The following HYDIN variants were observed in gnomAD, a reference collection of about 807,000 sequenced individuals.
HYDIN encodes the protein HYDIN axonemal central pair apparatus protein.
In HYDIN, 132 loss-of-function variants were observed where a neutral mutation model predicts 403.9. The ratio of observed to expected loss-of-function variants is 0.33; its 90% CI spans 0.28 to 0.38. HYDIN has a LOEUF of 0.38. HYDIN is among the 10% of genes least tolerant of loss of function. The probability of loss-of-function intolerance (pLI) is 1.00; values close to 1 mark genes in which losing one functional copy is unlikely to be tolerated. For missense variants in HYDIN, 2,827 were observed against 5,009.5 expected (o/e 0.56, Z 13.15); for synonymous variants, 1,202 against 1,891.7 (o/e 0.64, Z 9.46).
chr16:70,923,647 C>CAAAAAAA (rs57860871), intron 45 of HYDIN, among the ~76,000 whole-genome samples: 1 of 69,310 alleles, frequency 1.4e-5, no homozygotes, highest in African/African-American at 6.3e-5. Flanking sequence ...CTAAAAAATA[C>CAAAAAAA]AAAAAAAAAA....
At position 71,088,319 on chromosome 16, in the gene HYDIN, G is replaced by A. The variant is rs377316306; in HGVS notation, c.1652C>T (p.Pro551Leu). 11 of 544,746 alleles carry A rather than the reference G, an allele frequency of 2.0e-5. No individual in the cohort carries two copies. In the African/African-American group the frequency reaches 2.5e-4, roughly 12 times the overall value. The allele number at this position is 544,746 out of a possible 1,614,324, so 33.7% of individuals were successfully genotyped here. A position where few individuals can be genotyped will look rare whatever the true frequency, so the allele number is the denominator to read the frequency against. Reference sequence around the variant, plus strand: ...ACCTTACCTAATGGTCAGTTTCACAGGCTCAGGTGACCCATTGACATTGAC... The same window carrying A: ...ACCTTACCTAATGGTCAGTTTCACAAGCTCAGGTGACCCATTGACATTGAC... ...FLVNVNGSPEPVKLTIRGCVI... is the reference protein window; with the variant it reads ...FLVNVNGSPELVKLTIRGCVI... Residue 551 changes from proline to leucine, a missense_variant, in exon 12 of 86, where the codon CCT (proline) becomes CTT (leucine). Pro to Leu is a moderately conservative substitution (Grantham distance 98). Transcript: ENST00000393567.
intron 23 of HYDIN, among the ~76,000 whole-genome samples, chr16:71,016,318 T>C (rs1483409540): frequency 1.3e-5 from 2 of 151,190 alleles, no homozygotes; most frequent in East Asian, 2.0e-4. Context: ...AGGACTTAAA[T>C]AGACATTTCT....
At chr16:71,207,963 C>G (rs1310043911) in intron 1 of HYDIN, among the ~76,000 whole-genome samples, 2 of 152,032 alleles carry the variant, frequency 1.3e-5, no homozygotes, top group East Asian at 3.9e-4. Context: ...GTTTCACAAA[C>G]AATAATAGTT....
At chr16:71,061,785 C>A (rs752542844) in intron 17 of HYDIN, among the ~76,000 whole-genome samples, 13 of 150,770 alleles carry the variant, frequency 8.6e-5, no homozygotes, top group Non-Finnish European at 1.5e-4. Context: ...GTGCTGGCTC[C>A]CGTACAGATG....
At chr16:70,851,203 CAAAAA>C (rs4028101) in intron 73 of HYDIN, among the ~76,000 whole-genome samples, 35 of 22,172 alleles carry the variant, frequency 1.6e-3, no homozygotes, top group Middle Eastern at 0.024. Context: ...ATCAATCCTG[CAAAAA>C]AAAAAAAAAA....
At chr16:71,202,299 T>C (rs899545836) in intron 1 of HYDIN, among the ~76,000 whole-genome samples, 9 of 152,248 alleles carry the variant, frequency 5.9e-5, no homozygotes, top group African/African-American at 2.2e-4. Flanking sequence ...ATTCATATTA[T>C]TTTCATTGCA....
In HYDIN at chr16:71,021,919, C is replaced by G. The variant is rs533014888; in HGVS notation, c.3187-1602G>C. Among the ~76,000 whole-genome samples the G allele has an allele frequency of 2.5e-3, 377 of 152,234 alleles. 1 individual carries two copies. Among genetic ancestry groups the G allele is most frequent in the Non-Finnish European group, 4.2e-3 (283 of 68,020 alleles). ...GTGACCAGTGTCCCTTGGCTCGAGC[C>G]TCATGCCTTGGTTGTACTCTATGAG... On this transcript the variant is annotated intron_variant, in intron 21 of 85. Coordinates refer to ENST00000393567, the MANE Select transcript of HYDIN (RefSeq NM_001270974.2).
At chr16:71,209,346 C>A (rs2088466330) in intron 1 of HYDIN, among the ~76,000 whole-genome samples, 2 of 151,652 alleles carry the variant, frequency 1.3e-5, no homozygotes, top group South Asian at 4.2e-4. Context: ...ATTCAACATC[C>A]CTTCATGTTG....
chr16:71,064,867 T>G, intron 15 of HYDIN, 27 bp from the exon 16 acceptor site: 1 of 1,602,900 alleles, frequency 6.2e-7, no homozygotes, highest in South Asian at 1.1e-5. Flanking sequence ...ATCACACAAT[T>G]CAAAACAGAG....
intron 73 of HYDIN, among the ~76,000 whole-genome samples, chr16:70,853,067 G>A (rs1021623873): frequency 1.3e-5 from 2 of 151,648 alleles, no homozygotes; most frequent in Non-Finnish European, 2.9e-5. Flanking sequence ...TGTAGCCTTA[G>A]CTACTCGGGA....
chr16:71,195,899 G>C (rs1027678597), intron 1 of HYDIN, among the ~76,000 whole-genome samples: 16 of 152,154 alleles, frequency 1.1e-4, no homozygotes, highest in Non-Finnish European at 1.9e-4. Context: ...GAAAGTATCA[G>C]GTACTGGAAA....
chr16:71,057,030 G>C (rs2144255849), intron 18 of HYDIN, among the ~76,000 whole-genome samples: 1 of 111,000 alleles, frequency 9.0e-6, no homozygotes, highest in African/African-American at 3.4e-5. Context: ...GTTTTTTTTT[G>C]AGATGGAGTT....
chr16:70,826,409 T>C (rs1408170830), intron 83 of HYDIN, among the ~76,000 whole-genome samples: 2 of 152,094 alleles, frequency 1.3e-5, no homozygotes, highest in South Asian at 4.1e-4. Flanking sequence ...TTTTTCACAA[T>C]AGCTTATCCT....
intron 43 of HYDIN, 172 bp downstream of exon 43, chr16:70,941,464 G>A (rs1042966557): frequency 7.0e-6 from 3 of 430,238 alleles, no homozygotes; most frequent in African/African-American, 6.2e-5. Context: ...TGCACCTGCT[G>A]TCAGCAAAGC....
chr16:71,152,606 T>A (rs2085581742), intron 7 of HYDIN, 53 bp downstream of exon 7: 1 of 642,254 alleles, frequency 1.6e-6, no homozygotes, highest in East Asian at 2.8e-5. Context: ...GTGAGAACAT[T>A]CTCATCTGAC....
intron 1 of HYDIN, among the ~76,000 whole-genome samples, chr16:71,210,161 A>G (rs2088508272): frequency 6.6e-6 from 1 of 152,222 alleles, no homozygotes; most frequent in Admixed American, 6.5e-5. Context: ...ACTACTGAGT[A>G]TGGTCCCAAA....
At chr16:71,206,956 G>A (rs1465027020) in intron 1 of HYDIN, among the ~76,000 whole-genome samples, 1 of 152,174 alleles carries the variant, frequency 6.6e-6, no homozygotes, top group Non-Finnish European at 1.5e-5. Context: ...ACTCACTGGT[G>A]TCCATGAAAG....
chr16:71,227,404 T>G (rs2041083372), intron 1 of HYDIN, among the ~76,000 whole-genome samples: 1 of 152,130 alleles, frequency 6.6e-6, no homozygotes, highest in African/African-American at 2.4e-5. Context: ...TGATTGTATA[T>G]CTAGGAAACC....
rs1188234909 is a variant in HYDIN at position 71,227,920 on chromosome 16, G to C, written c.-24+2642C>G. ...ACCTGACTTCAAACTATACTACAAG[G>C]CTACAGTAACCAAAACAGCATGGCA... On this transcript the variant is annotated intron_variant, in intron 1 of 85. Coordinates refer to ENST00000393567, the MANE Select transcript of HYDIN (RefSeq NM_001270974.2). Among the ~76,000 whole-genome samples, 5 of 152,214 alleles carry C rather than the reference G, an allele frequency of 3.3e-5. No individual in the cohort carries two copies. In the East Asian group the frequency reaches 9.7e-4, roughly 29 times the overall value.
Sources: allele counts gnomAD v4.1 joint callset (sites outside exome capture counted in the v4.1 genomes callset), GRCh38; gene constraint gnomAD v4.1.1; transcripts MANE v1.5; gene names NCBI Gene and HGNC (gene_info 2026-07-23, HGNC 2026-07-21).